The following CYTIP variants were observed in gnomAD, a reference collection of about 807,000 sequenced individuals.
CYTIP encodes the protein cytohesin 1 interacting protein.
A neutral mutation model predicts 43.8 loss-of-function variants in CYTIP; 26 were observed. The ratio of observed to expected loss-of-function variants is 0.59; its 90% CI spans 0.44 to 0.82. The LOEUF is 0.82. Among genes scored for constraint, CYTIP ranks in the 40% least tolerant of loss-of-function variants. CYTIP has a pLI of 0.00. For missense variants in CYTIP, 426 were observed against 443.1 expected, an observed-to-expected ratio of 0.96 and a Z score of 0.35; for synonymous variants, 162 against 162.9, an observed-to-expected ratio of 0.99 and a Z score of 0.04.
chr2:157,437,535 T>C (rs561205655), intron 1 of CYTIP, among the ~76,000 whole-genome samples: 1 of 151,558 alleles, frequency 6.6e-6, no homozygotes, highest in Non-Finnish European at 1.5e-5. Context: ...ACCCCGTCTC[T>C]ACAAAAATAC....
chr2:157,416,160 A>G lies in CYTIP; in HGVS notation c.614-17T>C, dbSNP rs1685438003. 2 of 1,577,616 alleles carry G rather than the reference A, an allele frequency of 1.3e-6. No individual in the cohort carries two copies. Among genetic ancestry groups the G allele is most frequent in the Admixed American group, 1.8e-5 (1 of 56,532 alleles). ...CTGCATCACCTAGAGCACAAAGTCT[A>G]CTGTGAAATGGATCTGTTCATTACT... On this transcript the variant is annotated splice_polypyrimidine_tract_variant and intron_variant, in intron 7 of 7. Transcript: ENST00000264192.
chr2:157,417,721 A>G (rs1685458587), intron 7 of CYTIP, among the ~76,000 whole-genome samples: 1 of 152,134 alleles, frequency 6.6e-6, no homozygotes, highest in Non-Finnish European at 1.5e-5. Flanking sequence ...AGAAGTTCAT[A>G]CCAGAACTCT....
intron 1 of CYTIP, among the ~76,000 whole-genome samples, chr2:157,440,756 G>A (rs1371783566): frequency 1.3e-5 from 2 of 152,212 alleles, no homozygotes; most frequent in African/African-American, 2.4e-5. Context: ...ACTGAAGTTT[G>A]TGGACTTGTT....
chr2:157,432,801 C>T (rs1266425286), intron 3 of CYTIP, among the ~76,000 whole-genome samples: 2 of 152,142 alleles, frequency 1.3e-5, no homozygotes, highest in African/African-American at 4.8e-5. Flanking sequence ...AGCATGTCTC[C>T]TATTTGTTAA....
intron 1 of CYTIP, among the ~76,000 whole-genome samples, chr2:157,441,598 GCACATACACA>G (rs1308544903): frequency 1.2e-4 from 7 of 58,880 alleles, no homozygotes; most frequent in African/African-American, 2.2e-4. Flanking sequence ...ATGTATATAT[GCACATACACA>G]CACACACACA....
intron 7 of CYTIP, among the ~76,000 whole-genome samples, chr2:157,417,937 C>A (rs900583350): frequency 2.4e-4 from 36 of 152,176 alleles, no homozygotes; most frequent in African/African-American, 7.7e-4. Flanking sequence ...ATCTATCATA[C>A]AACAAATAGC....
chr2:157,417,916 C>A (rs1685461777), intron 7 of CYTIP, among the ~76,000 whole-genome samples: 1 of 152,202 alleles, frequency 6.6e-6, no homozygotes, highest in Non-Finnish European at 1.5e-5. Flanking sequence ...AAAGTTCATT[C>A]CTTTGGTTAC....
intron 6 of CYTIP, among the ~76,000 whole-genome samples, chr2:157,424,097 T>C (rs1346804042): frequency 6.6e-6 from 1 of 152,162 alleles, no homozygotes; most frequent in Admixed American, 6.5e-5. Context: ...TTTCTATTCA[T>C]TGTTGTATGG....
intron 3 of CYTIP, chr2:157,434,120 A>G (rs997237996): frequency 1.3e-5 from 7 of 548,282 alleles, no homozygotes; most frequent in Non-Finnish European, 2.3e-5. Flanking sequence ...TCTGGGACTT[A>G]AGGGAAGACT....
chr2:157,434,474 C>T (rs1180013064), intron 2 of CYTIP, 50 bp from the exon 3 acceptor site: 3 of 1,356,874 alleles, frequency 2.2e-6, no homozygotes, highest in East Asian at 2.3e-5. Flanking sequence ...TAAAGTATCA[C>T]ATTTGGCACA....
chr2:157,434,729 T>A lies in CYTIP; in HGVS notation c.193A>T (p.Ser65Cys). Residue 65 changes from serine to cysteine, a missense_variant, in exon 2 of 8, where the codon AGT (serine) becomes TGT (cysteine). Physicochemically the swap from Ser to Cys is moderately radical, Grantham distance 112 (BLOSUM62 -1). Transcript: ENST00000264192. ...GRKQLALTRS[S>C]SLSDFSWSQR... Reference sequence around the variant, plus strand: ...GACCAGGAAAAGTCACTTAAAGAACTTGATCTGGTCAAAGCAAGCTGAAAA... The same window carrying A: ...GACCAGGAAAAGTCACTTAAAGAACATGATCTGGTCAAAGCAAGCTGAAAA... 6.2e-7 allele frequency: 1 copy of A among 1,611,902 alleles called. No individual in the cohort carries two copies.
In CYTIP at chr2:157,432,939, A is replaced by G. The variant is rs148740046; in HGVS notation, c.279+1431T>C. On this transcript the variant is annotated intron_variant, in intron 3 of 7. Coordinates refer to ENST00000264192, the MANE Select transcript of CYTIP (RefSeq NM_004288.5). ...ACTGAGATAACACCTACATGCTGCC[A>G]TTTAGAGGTGCCATTAGTTCATGTT... Among the ~76,000 whole-genome samples, 5 of 152,324 alleles carry G rather than the reference A, an allele frequency of 3.3e-5. No individual in the cohort carries two copies. In the East Asian group the frequency reaches 9.6e-4, roughly 29 times the overall value.
In CYTIP at chr2:157,422,077, G is replaced by A. The variant is rs188989569; in HGVS notation, c.547-3488C>T. ...GCTGATGCTGCTGGCTATGGCTCAT[G>A]TAGAGCTTGTATGTTGAAAGGCAGG... is the stretch of plus-strand genomic sequence containing the variant. On this transcript the variant is annotated intron_variant, in intron 6 of 7. Transcript: ENST00000264192. Among the ~76,000 whole-genome samples, 33 of 152,318 alleles carry A rather than the reference G, an allele frequency of 2.2e-4. No individual in the cohort carries two copies. In the East Asian group the frequency reaches 6.0e-3, roughly 28 times the overall value.
At chr2:157,438,991 T>A (rs973511585) in intron 1 of CYTIP, 1 of 417,062 alleles carries the variant, frequency 2.4e-6, no homozygotes, top group Admixed American at 2.5e-5. Context: ...TAAAATCTTT[T>A]AAACCACAGG....
chr2:157,433,347 C>G (rs1647062152), intron 3 of CYTIP, among the ~76,000 whole-genome samples: 1 of 152,170 alleles, frequency 6.6e-6, no homozygotes, highest in African/African-American at 2.4e-5. Flanking sequence ...AAGTGATCCT[C>G]TTTTCAAAGT....
At chr2:157,428,403 CT>C (rs894775478) in intron 5 of CYTIP, among the ~76,000 whole-genome samples, 4 of 152,194 alleles carry the variant, frequency 2.6e-5, no homozygotes, top group African/African-American at 9.6e-5. Context: ...TGGTAGCAAG[CT>C]ATATACTGTC....
intron 6 of CYTIP, among the ~76,000 whole-genome samples, chr2:157,422,339 T>C (rs1685534169): frequency 6.6e-6 from 1 of 152,184 alleles, no homozygotes. Context: ...ATTGATAATT[T>C]GTGCATAGAT....
chr2:157,416,293 G>A, intron 7 of CYTIP, 150 bp from the exon 8 acceptor site: 4 of 657,912 alleles, frequency 6.1e-6, no homozygotes, highest in Non-Finnish European at 1.0e-5. Flanking sequence ...ATAAGTAACT[G>A]TTTATGAGAC....
At chr2:157,418,657 AT>A in intron 6 of CYTIP, 68 bp from the exon 7 acceptor site, 1 of 1,394,058 alleles carries the variant, frequency 7.2e-7, no homozygotes, top group Non-Finnish European at 9.7e-7. Context: ...TAGCAATTTA[AT>A]TCTAGGTGTT....
Sources: gnomAD v4.1 joint callset for allele counts (sites outside exome capture counted in the v4.1 genomes callset) on GRCh38, gnomAD v4.1.1 for gene constraint, MANE v1.5 for transcripts, NCBI Gene and HGNC (gene_info 2026-07-23, HGNC 2026-07-21) for gene names.